Variants in PRRC2C observed in about 807,000 individuals in gnomAD.
PRRC2C encodes protein PRRC2C.
PRRC2C carries 72 observed loss-of-function variants against 317.2 expected under a neutral mutation model. The observed-to-expected ratio is 0.23, with a 90% CI of 0.19 to 0.28. The LOEUF is 0.28. PRRC2C is among the 10% of genes least tolerant of loss of function. The pLI is 1.00. For synonymous variants in PRRC2C, 1,296 were observed against 1,205.9 expected (o/e 1.07, Z -1.55); for missense variants, 3,074 against 3,459.7 (o/e 0.89, Z 2.80).
intron 15 of PRRC2C, among the ~76,000 whole-genome samples, chr1:171,538,819 C>T (rs1157679095): frequency 6.6e-6 from 1 of 152,072 alleles, no homozygotes; most frequent in African/African-American, 2.4e-5. Context: ...TCAAGTGATC[C>T]TCTCACCTCA....
At chr1:171,571,498 A>G (rs1684766981) in intron 24 of PRRC2C, 77 bp downstream of exon 24, 4 of 1,070,010 alleles carry the variant, frequency 3.7e-6, no homozygotes, top group African/African-American at 1.6e-5. Context: ...TTCGTGGGGT[A>G]TTTTTACTAG....
intron 15 of PRRC2C, among the ~76,000 whole-genome samples, 193 bp from the exon 16 acceptor site, chr1:171,539,778 T>C (rs376018464): frequency 3.3e-5 from 5 of 152,346 alleles, no homozygotes; most frequent in African/African-American, 1.2e-4. Flanking sequence ...CATTCAGCTA[T>C]TGGATATTTA....
chr1:171,495,712 GTGAATATTTGGGC>G (rs1667968492), intron 1 of PRRC2C, among the ~76,000 whole-genome samples: 1 of 152,140 alleles, frequency 6.6e-6, no homozygotes, highest in Non-Finnish European at 1.5e-5. Context: ...TAGGAGTGTG[GTGAATATTTGGGC>G]TTTTTTATTT....
intron 20 of PRRC2C, among the ~76,000 whole-genome samples, chr1:171,562,261 G>A (rs1682856452): frequency 6.6e-6 from 1 of 152,162 alleles, no homozygotes; most frequent in Admixed American, 6.6e-5. Context: ...AGGAAGTTCA[G>A]GGAAGTCCAT....
intron 26 of PRRC2C, among the ~76,000 whole-genome samples, chr1:171,577,953 T>TA (rs1433473563): frequency 8.0e-6 from 1 of 125,488 alleles, no homozygotes; most frequent in Non-Finnish European, 1.8e-5. Flanking sequence ...AATTTTTCTT[T>TA]TTTTTTTTTT....
chr1:171,517,455 A>G, intron 5 of PRRC2C, 136 bp from the exon 6 acceptor site: 2 of 773,644 alleles, frequency 2.6e-6, no homozygotes, highest in Non-Finnish European at 4.1e-6. Flanking sequence ...TGAAAGCATT[A>G]GTAGGACCTG....
chr1:171,588,209 A>G (rs1650499885), intron 32 of PRRC2C, among the ~76,000 whole-genome samples, 170 bp from the exon 33 acceptor site: 1 of 152,206 alleles, frequency 6.6e-6, no homozygotes, highest in East Asian at 1.9e-4. Flanking sequence ...ATCCTTTCTT[A>G]CCTCTGCTCC....
chr1:171,512,904 C>T, intron 2 of PRRC2C, 91 bp from the exon 3 acceptor site: 1 of 1,147,168 alleles, frequency 8.7e-7, no homozygotes. Context: ...TCAGGGATTG[C>T]ATTAATTCCT....
At chr1:171,584,707 A>T (rs1193860890) in intron 30 of PRRC2C, among the ~76,000 whole-genome samples, 181 bp downstream of exon 30, 1 of 151,820 alleles carries the variant, frequency 6.6e-6, no homozygotes, top group Non-Finnish European at 1.5e-5. Context: ...GGCTCATGAC[A>T]CCCCCCTTCT....
intron 1 of PRRC2C, among the ~76,000 whole-genome samples, chr1:171,490,538 G>A (rs1455388180): frequency 6.6e-6 from 1 of 152,200 alleles, no homozygotes; most frequent in Non-Finnish European, 1.5e-5. Flanking sequence ...AACCGCAAAG[G>A]AGTAGGTTTA....
intron 9 of PRRC2C, among the ~76,000 whole-genome samples, chr1:171,524,041 A>G (rs1674100880): frequency 6.6e-6 from 1 of 152,064 alleles, no homozygotes; most frequent in African/African-American, 2.4e-5. Context: ...ATCTCAAAAA[A>G]AAAAAAGATA....
chr1:171,557,096 T>C (rs1259512918), intron 18 of PRRC2C, 144 bp from the exon 19 acceptor site: 14 of 1,382,428 alleles, frequency 1.0e-5, no homozygotes, highest in African/African-American at 1.5e-5. Flanking sequence ...CAAAATCTTA[T>C]TAGCAACCCT....
In PRRC2C at chr1:171,524,898, C is replaced by T. The variant is rs527701761; in HGVS notation, c.1133C>T (p.Ser378Phe). The T allele has an allele frequency of 8.1e-6, 13 of 1,611,010 alleles. No homozygotes were observed. Among genetic ancestry groups the T allele is most frequent in the Non-Finnish European group, 1.0e-5 (12 of 1,178,286 alleles). ...GATGAAGTTTCCAACACTAAATCAT[C>T]TTCCCAAATACCTGCCCAACCATCA... ...ETDEVSNTKS[S>F]SQIPAQPSVA... The change falls in exon 10 of 35, where the codon TCT becomes TTT. Residue 378 changes from serine (S) to phenylalanine (F), a missense_variant. Physicochemically the swap from Ser to Phe is radical, Grantham distance 155. Transcript: ENST00000647382.
intron 26 of PRRC2C, among the ~76,000 whole-genome samples, chr1:171,577,839 G>A (rs1348841748): frequency 1.5e-4 from 20 of 136,300 alleles, no homozygotes; most frequent in Admixed American, 7.9e-5. Flanking sequence ...TTGCAGTGAC[G>A]CGGTCTTGGC....
At chr1:171,497,018 A>C (rs1571574273) in intron 1 of PRRC2C, among the ~76,000 whole-genome samples, 1 of 151,808 alleles carries the variant, frequency 6.6e-6, no homozygotes, top group Middle Eastern at 3.4e-3. Context: ...CTCAAACTCC[A>C]TTGCTCAAGC....
rs932783724 is a variant in PRRC2C at position 171,593,408 on chromosome 1, A to AT, written c.*1568dup. ...TATTGGTCTAGAAACGTTAAACTTA[A>AT]TTTTTTTCCATTTGTACAGGGGTAA... is the stretch of plus-strand genomic sequence containing the variant. On this transcript the variant is annotated 3_prime_UTR_variant, in exon 35 of 35. Transcript: ENST00000647382. The AT allele has an allele frequency of 4.0e-5, 6 of 151,858 alleles. No individual in the cohort carries two copies. Among genetic ancestry groups the AT allele is most frequent in the South Asian group, 2.1e-4 (1 of 4,824 alleles). The allele number at this position is 151,858 out of a possible 1,614,324, so 9.4% of individuals were successfully genotyped here. A position where few individuals can be genotyped will look rare whatever the true frequency, so the allele number is the denominator to read the frequency against.
intron 1 of PRRC2C, among the ~76,000 whole-genome samples, chr1:171,496,774 CGTGTGTGTGTGTGTGTGTGTGT>C (rs71688813): frequency 1.4e-5 from 2 of 146,782 alleles, no homozygotes; most frequent in Non-Finnish European, 3.0e-5. Flanking sequence ...ACATTTGGGG[CGTGTGTGTGTGTGTGTGTGTGT>C]GTGTGTGTGT....
chr1:171,530,182 G>A (rs931839310), intron 11 of PRRC2C, among the ~76,000 whole-genome samples: 1 of 150,268 alleles, frequency 6.7e-6, no homozygotes, highest in Non-Finnish European at 1.5e-5. Context: ...CCCAAAGAAT[G>A]CAAAGATATG....
chr1:171,545,940 A>G (rs1679039421), intron 17 of PRRC2C, among the ~76,000 whole-genome samples: 1 of 152,182 alleles, frequency 6.6e-6, no homozygotes, highest in Admixed American at 6.5e-5. Flanking sequence ...ACAGCATTGC[A>G]CTGTTCTTCC....
Sources: gnomAD v4.1 joint callset for allele counts (sites outside exome capture counted in the v4.1 genomes callset) on GRCh38, gnomAD v4.1.1 for gene constraint, MANE v1.5 for transcripts, NCBI Gene and HGNC (gene_info 2026-07-23, HGNC 2026-07-21) for gene names.